The following CHKA variants were observed in gnomAD, a reference collection of about 807,000 sequenced individuals.
CHKA encodes the protein CHETK-alpha.
Under a neutral mutation model 60.1 loss-of-function variants are expected in CHKA, and 34 were observed. The observed-to-expected ratio is 0.57, with a 90% CI of 0.43 to 0.75. The LOEUF (loss-of-function observed/expected upper bound fraction) is 0.75, where lower values mean the gene tolerates loss of function less well. Ranked by LOEUF, CHKA falls within the 30% of genes least tolerant of loss-of-function variation. The probability of loss-of-function intolerance (pLI) is 0.00; values close to 1 mark genes in which losing one functional copy is unlikely to be tolerated. For missense variants in CHKA, 563 were observed against 561.3 expected (o/e 1.00, Z -0.03); for synonymous variants, 217 against 223.1 (o/e 0.97, Z 0.24).
intron 11 of CHKA, among the ~76,000 whole-genome samples, chr11:68,058,841 G>A (rs1419567577): frequency 6.6e-6 from 1 of 152,148 alleles, no homozygotes; most frequent in African/African-American, 2.4e-5. Context: ...TACTTGGGGT[G>A]GGGGTCAAAG....
chr11:68,078,664 T>C (rs1256230345), intron 3 of CHKA, among the ~76,000 whole-genome samples: 1 of 152,210 alleles, frequency 6.6e-6, no homozygotes, highest in African/African-American at 2.4e-5. Flanking sequence ...TTCTGTGGTA[T>C]TTCAGCCAAA....
rs1447037792 is a variant in CHKA, at chr11:68,070,235, G to A, written c.823C>T (p.His275Tyr). Residue 275 changes from histidine (H) to tyrosine (Y), a missense_variant, in exon 6 of 12, where the codon CAC (histidine) becomes TAC (tyrosine). Transcript: ENST00000265689. The stretch of plus-strand genomic sequence containing the variant: ...GGCAGATTGTAACTGAGCAATTTGT[G>A]GAGCTTTTTAATTCTGGATTCCTCA... ...FTEESRIKKL[H>Y]KLLSYNLPLE... The A allele has an allele frequency of 2.5e-6, 4 of 1,613,918 alleles. No homozygotes were observed. In the African/African-American group the frequency reaches 4.0e-5, roughly 16 times the overall value.
At chr11:68,058,446 T>C (rs1229963150) in intron 11 of CHKA, among the ~76,000 whole-genome samples, 1 of 152,222 alleles carries the variant, frequency 6.6e-6, no homozygotes, top group Non-Finnish European at 1.5e-5. Context: ...AAGGCTTCCA[T>C]CCATCAAGGT....
chr11:68,066,033 T>C (rs535105480), intron 8 of CHKA, 139 bp from the exon 9 acceptor site: 7 of 600,870 alleles, frequency 1.2e-5, no homozygotes, highest in African/African-American at 1.1e-4. Context: ...AGCAGGACTG[T>C]AGCTGCTTTA....
chr11:68,057,223 T>A (rs1045838302), intron 11 of CHKA, among the ~76,000 whole-genome samples: 3 of 152,220 alleles, frequency 2.0e-5, no homozygotes, highest in Admixed American at 6.5e-5. Flanking sequence ...CTTTGGTTTT[T>A]ATGTGTTTCC....
intron 11 of CHKA, among the ~76,000 whole-genome samples, chr11:68,060,332 A>G (rs542790680): frequency 6.8e-6 from 1 of 146,454 alleles, no homozygotes; most frequent in Non-Finnish European, 1.5e-5. Context: ...GCACCCGGCC[A>G]GAGTTTCATT....
intron 1 of CHKA, among the ~76,000 whole-genome samples, chr11:68,114,713 A>G (rs922053674): frequency 6.6e-6 from 1 of 151,270 alleles, no homozygotes; most frequent in Non-Finnish European, 1.5e-5. Context: ...AAAAAAAAAA[A>G]GAAGAAGAAA....
At chr11:68,069,801 T>C (rs1160939587) in intron 6 of CHKA, among the ~76,000 whole-genome samples, 1 of 152,130 alleles carries the variant, frequency 6.6e-6, no homozygotes, top group Admixed American at 6.5e-5. Flanking sequence ...GAAGACTCTG[T>C]TTCTCGCAAA....
At chr11:68,092,798 G>A (rs769020222) in intron 2 of CHKA, among the ~76,000 whole-genome samples, 10 of 152,166 alleles carry the variant, frequency 6.6e-5, no homozygotes, top group Non-Finnish European at 1.0e-4. Context: ...GGTTTCCTAA[G>A]TTTAAACTAC....
intron 2 of CHKA, among the ~76,000 whole-genome samples, chr11:68,094,084 G>C (rs191800841): frequency 6.6e-6 from 1 of 152,170 alleles, no homozygotes; most frequent in Non-Finnish European, 1.5e-5. Flanking sequence ...AGTTAGAAAT[G>C]AAAGCCTCAT....
At chr11:68,057,365 G>A (rs1315696130) in intron 11 of CHKA, among the ~76,000 whole-genome samples, 1 of 152,088 alleles carries the variant, frequency 6.6e-6, no homozygotes, top group African/African-American at 2.4e-5. Context: ...TGTCGCCCAG[G>A]CCAGAGTGCA....
At chr11:68,087,480 TCA>T (rs1013771944) in intron 2 of CHKA, among the ~76,000 whole-genome samples, 1 of 151,694 alleles carries the variant, frequency 6.6e-6, no homozygotes, top group Non-Finnish European at 1.5e-5. Flanking sequence ...AGACTTCATC[TCA>T]CACACACACA....
At chr11:68,066,642 G>A in intron 7 of CHKA, 126 bp from the exon 8 acceptor site, 2 of 752,800 alleles carry the variant, frequency 2.7e-6, no homozygotes, top group Admixed American at 2.1e-5. Context: ...TTTGGTCTGT[G>A]GACATCACCA....
At chr11:68,065,950 T>C (rs1227395360) in intron 8 of CHKA, 56 bp from the exon 9 acceptor site, 11 of 1,240,400 alleles carry the variant, frequency 8.9e-6, no homozygotes, top group Non-Finnish European at 1.0e-5. Flanking sequence ...GCCTGGAGGC[T>C]CCCTGACTGC....
At position 68,074,960 on chromosome 11, in the gene CHKA, T is replaced by A. The variant is rs914196601; in HGVS notation, c.517-130A>T. The A allele has an allele frequency of 6.8e-6, 5 of 739,896 alleles. No homozygotes were observed. The South Asian group carries it at 8.4e-5, about 12-fold the overall frequency. 45.8% of individuals were successfully genotyped at this position (739,896 alleles called of 1,614,324 possible). The stretch of plus-strand genomic sequence containing the variant: ...TTTCACGTGGGCACTACTGTTATCA[T>A]CATCCCCATTTTAAATATGAAGAAA... On this transcript the variant is annotated intron_variant, in intron 3 of 11. Transcript: ENST00000265689.
intron 2 of CHKA, among the ~76,000 whole-genome samples, chr11:68,087,249 G>T (rs1052293348): frequency 6.6e-6 from 1 of 152,106 alleles, no homozygotes; most frequent in South Asian, 2.1e-4. Context: ...GGAGGTTGAG[G>T]GGGGCGGATC....
chr11:68,060,383 C>T (rs1475965065), intron 11 of CHKA, among the ~76,000 whole-genome samples: 1 of 152,020 alleles, frequency 6.6e-6, no homozygotes, highest in East Asian at 1.9e-4. Context: ...CATCTCGGCT[C>T]ACTGCAAACT....
At chr11:68,098,127 G>A (rs899928764) in intron 1 of CHKA, among the ~76,000 whole-genome samples, 9 of 152,010 alleles carry the variant, frequency 5.9e-5, no homozygotes, top group African/African-American at 1.4e-4. Flanking sequence ...TAAATTAGCC[G>A]GGTGTGGTGG....
intron 1 of CHKA, among the ~76,000 whole-genome samples, chr11:68,100,145 G>C (rs191858368): frequency 6.6e-6 from 1 of 152,134 alleles, no homozygotes; most frequent in African/African-American, 2.4e-5. Context: ...TGCCAGAAAT[G>C]GTAGCAAAAA....
Sources: gnomAD v4.1 joint callset for allele counts (sites outside exome capture counted in the v4.1 genomes callset) on GRCh38, gnomAD v4.1.1 for gene constraint, MANE v1.5 for transcripts, NCBI Gene and HGNC (gene_info 2026-07-23, HGNC 2026-07-21) for gene names.